The following NFIA variants were observed in gnomAD, a reference collection of about 807,000 sequenced individuals.
NFIA encodes nuclear factor I A, also known as nuclear factor 1 A-type.
Under a neutral mutation model 62.8 loss-of-function variants are expected in NFIA, and 8 were observed. The ratio of observed to expected loss-of-function variants is 0.13; its 90% CI spans 0.07 to 0.23. NFIA has a LOEUF of 0.23. Among genes scored for constraint, NFIA ranks in the 10% least tolerant of loss-of-function variants. The probability of loss-of-function intolerance (pLI) is 1.00; values close to 1 mark genes in which losing one functional copy is unlikely to be tolerated. For missense variants in NFIA, 410 were observed against 642.1 expected, an observed-to-expected ratio of 0.64 and a Z score of 3.91; for synonymous variants, 235 against 238.1, an observed-to-expected ratio of 0.99 and a Z score of 0.12.
intron 2 of NFIA, among the ~76,000 whole-genome samples, chr1:61,135,378 T>A (rs1388228473): frequency 6.6e-6 from 1 of 152,216 alleles, no homozygotes; most frequent in Non-Finnish European, 1.5e-5. Context: ...TTATCATGCC[T>A]TCTTGTTACC....
At chr1:61,260,963 A>G (rs1656738288) in intron 2 of NFIA, among the ~76,000 whole-genome samples, 1 of 152,232 alleles carries the variant, frequency 6.6e-6, no homozygotes, top group South Asian at 2.1e-4. Flanking sequence ...CACAATTTCT[A>G]AAGTTATTTA....
At chr1:61,216,623 A>G (rs1366516543) in intron 2 of NFIA, among the ~76,000 whole-genome samples, 1 of 152,202 alleles carries the variant, frequency 6.6e-6, no homozygotes, top group Non-Finnish European at 1.5e-5. Context: ...TGAAATAGAT[A>G]TCTATACTCT....
chr1:61,361,776 G>A (rs1663302020), intron 6 of NFIA, among the ~76,000 whole-genome samples: 1 of 136,512 alleles, frequency 7.3e-6, no homozygotes. Flanking sequence ...ATCCTTTTTG[G>A]TAAGAGGTGT....
chr1:61,079,229 A>T (rs562166589), upstream of NFIA, among the ~76,000 whole-genome samples: 9 of 152,352 alleles, frequency 5.9e-5, no homozygotes, highest in Non-Finnish European at 1.0e-4. Flanking sequence ...ATGCCAGTTA[A>T]TAAAGTTAGT....
intron 2 of NFIA, chr1:61,251,512 T>C (rs375791224): frequency 6.6e-6 from 1 of 152,212 alleles, no homozygotes; most frequent in Non-Finnish European, 1.5e-5. Context: ...TGTAACACAA[T>C]TATGTCATAC....
chr1:61,368,290 T>G (rs1296401617), intron 6 of NFIA, among the ~76,000 whole-genome samples: 1 of 152,188 alleles, frequency 6.6e-6, no homozygotes, highest in Non-Finnish European at 1.5e-5. Context: ...ACAGCCCCCG[T>G]GGCTCAGGTG....
chr1:61,234,396 C>T (rs1654863995), intron 2 of NFIA, among the ~76,000 whole-genome samples: 1 of 150,482 alleles, frequency 6.6e-6, no homozygotes, highest in Non-Finnish European at 1.5e-5. Flanking sequence ...AAAAGTGGCT[C>T]CTGAGACCAC....
chr1:61,218,427 G>A (rs1473062318), intron 2 of NFIA, among the ~76,000 whole-genome samples: 1 of 152,196 alleles, frequency 6.6e-6, no homozygotes, highest in African/African-American at 2.4e-5. Context: ...TCCCACAGAT[G>A]ATAAAATCCA....
rs768240352 is a variant in NFIA, at chr1:61,088,867, TCTCA to T, written c.559+190_559+193del. On this transcript the variant is annotated intron_variant, in intron 2 of 10. Coordinates refer to ENST00000403491, the MANE Select transcript of NFIA (RefSeq NM_001134673.4). The surrounding 1 kb of genome is among the most constrained non-coding windows in gnomAD (Gnocchi z 4.5). ...TGAAAAAGCATAGCTTTGAGCGAAT[TCTCA>T]CTAAGTTCAGCTCTTTTGGTAAGTA... Among the ~76,000 whole-genome samples the T allele has an allele frequency of 1.3e-5, 2 of 152,206 alleles. No individual in the cohort carries two copies. Among genetic ancestry groups the T allele is most frequent in the Non-Finnish European group, 2.9e-5 (2 of 68,036 alleles).
chr1:61,285,271 C>T (rs1179210246), intron 3 of NFIA, among the ~76,000 whole-genome samples: 6 of 152,026 alleles, frequency 3.9e-5, no homozygotes, highest in African/African-American at 9.7e-5. Flanking sequence ...TAAAAACCAG[C>T]GTGGTGAAAG....
At chr1:61,200,006 A>C in intron 2 of NFIA, among the ~76,000 whole-genome samples, 1 of 66,928 alleles carries the variant, frequency 1.5e-5, no homozygotes, top group Non-Finnish European at 2.9e-5. Context: ...CAAAATATAT[A>C]TATGTATATA....
At chr1:61,235,653 A>T (rs1221706118) in intron 2 of NFIA, among the ~76,000 whole-genome samples, 2 of 121,748 alleles carry the variant, frequency 1.6e-5, no homozygotes, top group African/African-American at 3.0e-5. Context: ...CCATCTCTTT[A>T]AAAAAAAAAA....
intron 9 of NFIA, among the ~76,000 whole-genome samples, chr1:61,417,499 C>T (rs576044792): frequency 5.3e-4 from 80 of 151,690 alleles, no homozygotes; most frequent in Non-Finnish European, 8.4e-4. Context: ...TTGTCCCCAA[C>T]TCTAATAATT....
At chr1:61,106,227 C>T (rs1320292741) in intron 2 of NFIA, among the ~76,000 whole-genome samples, 2 of 151,722 alleles carry the variant, frequency 1.3e-5, no homozygotes, top group Non-Finnish European at 3.0e-5. Context: ...CAGCTATTTA[C>T]AGCAACCTGG....
intron 2 of NFIA, among the ~76,000 whole-genome samples, chr1:61,216,755 T>G (rs1190366170): frequency 6.6e-6 from 1 of 152,122 alleles, no homozygotes; most frequent in East Asian, 1.9e-4. Context: ...ATCCCAGCAC[T>G]TTGGGAGGCC....
intron 2 of NFIA, among the ~76,000 whole-genome samples, chr1:61,165,540 G>T (rs1359207098): frequency 1.3e-5 from 2 of 152,174 alleles, no homozygotes; most frequent in Non-Finnish European, 2.9e-5. Context: ...AACCATATCT[G>T]TTTGACTCCA....
Position 61,461,214 on chromosome 1 carries a change from TG to T in NFIA, c.*5896del, listed in dbSNP as rs1483134449. On this transcript the variant is annotated 3_prime_UTR_variant, in exon 11 of 11. Coordinates refer to ENST00000403491, the MANE Select transcript of NFIA (RefSeq NM_001134673.4). ...TGCGGAGACTGATACATTTTCTTAA[TG>T]GACAATGTTCAAGCCAGGTACCCAT... 16 of 152,266 alleles carry T rather than the reference TG, an allele frequency of 1.1e-4. No individual in the cohort carries two copies. Among genetic ancestry groups the T allele is most frequent in the Admixed American group, 9.2e-4 (14 of 15,296 alleles). The allele number at this position is 152,266 out of a possible 1,614,324, so 9.4% of individuals were successfully genotyped here. A position where few individuals can be genotyped will look rare whatever the true frequency, so the allele number is the denominator to read the frequency against.
chr1:61,290,459 A>G (rs1009687675), intron 3 of NFIA, among the ~76,000 whole-genome samples: 5 of 152,218 alleles, frequency 3.3e-5, no homozygotes, highest in African/African-American at 1.2e-4. Flanking sequence ...TGAGCAAGAC[A>G]AAGTTCATTA....
Position 61,093,544 on chromosome 1 carries a change from G to A in NFIA, c.559+4864G>A, listed in dbSNP as rs147192481. Among the ~76,000 whole-genome samples the A allele has an allele frequency of 5.1e-4, 78 of 152,266 alleles. 1 individual carries two copies. Among genetic ancestry groups the A allele is most frequent in the African/African-American group, 1.8e-3 (73 of 41,556 alleles). On this transcript the variant is annotated intron_variant, in intron 2 of 10. Transcript: ENST00000403491. Reference sequence around the variant, plus strand: ...TTTTAATTCTTCAAAAAAGATAGCAGTAGCAGTCAACAAATTTGAGATAAA... The same window carrying A: ...TTTTAATTCTTCAAAAAAGATAGCAATAGCAGTCAACAAATTTGAGATAAA...
Sources: gnomAD v4.1 joint callset for allele counts (sites outside exome capture counted in the v4.1 genomes callset) on GRCh38, gnomAD v4.1.1 for gene constraint, Gnocchi (gnomAD v3.1) non-coding constraint, MANE v1.5 for transcripts, NCBI Gene and HGNC (gene_info 2026-07-23, HGNC 2026-07-21) for gene names.